LRRC49: variants seen among roughly 807,000 people sequenced by gnomAD.
LRRC49 encodes leucine rich repeat containing 49, also known as leucine-rich repeat-containing protein 49.
Under a neutral mutation model 83.3 loss-of-function variants are expected in LRRC49, and 50 were observed. The observed-to-expected ratio is 0.60, with a 90% CI of 0.48 to 0.76. The LOEUF (loss-of-function observed/expected upper bound fraction) is 0.76, where lower values mean the gene tolerates loss of function less well. LRRC49 is among the 30% of genes least tolerant of loss of function. The pLI is 0.00. For synonymous variants in LRRC49, 286 were observed against 283.3 expected (o/e 1.01, Z -0.10); for missense variants, 704 against 809.1 (o/e 0.87, Z 1.58).
At chr15:70,925,475 A>G (rs1432087447) in intron 7 of LRRC49, among the ~76,000 whole-genome samples, 1 of 152,156 alleles carries the variant, frequency 6.6e-6, no homozygotes, top group African/African-American at 2.4e-5. Flanking sequence ...AGATAGATTC[A>G]GAGAGATTTT....
intron 14 of LRRC49, among the ~76,000 whole-genome samples, chr15:71,026,719 G>A: frequency 6.6e-6 from 1 of 152,056 alleles, no homozygotes; most frequent in African/African-American, 2.4e-5. Flanking sequence ...TCATGTGTTT[G>A]TTGGCCACAT....
At chr15:70,880,873 C>G (rs1405005045) in intron 2 of LRRC49, among the ~76,000 whole-genome samples, 1 of 152,148 alleles carries the variant, frequency 6.6e-6, no homozygotes, top group Non-Finnish European at 1.5e-5. Context: ...TCAAAGGGTA[C>G]TTATTGATGG....
intron 1 of LRRC49, chr15:70,853,919 G>C: frequency 7.2e-7 from 1 of 1,392,102 alleles, no homozygotes; most frequent in Non-Finnish European, 9.4e-7. Context: ...CTCCTCGCTC[G>C]CGCTGCCCCA....
At chr15:70,901,478 G>A (rs1406432) in intron 4 of LRRC49, among the ~76,000 whole-genome samples, 149,726 of 152,124 alleles carry the variant, frequency 0.98, 73,725 homozygotes, top group East Asian at 1. Flanking sequence ...GGAATTTGGT[G>A]CTTACTATCC....
chr15:70,881,788 C>T (rs955476221), intron 2 of LRRC49: 1 of 152,102 alleles, frequency 6.6e-6, no homozygotes, highest in Non-Finnish European at 1.5e-5. Flanking sequence ...ATTAATGTGT[C>T]GCAGTAAGCA....
At chr15:70,946,439 A>C (rs1193538201) in intron 8 of LRRC49, among the ~76,000 whole-genome samples, 1 of 152,110 alleles carries the variant, frequency 6.6e-6, no homozygotes, top group Non-Finnish European at 1.5e-5. Context: ...GTTTGAGGCT[A>C]AATTGTATTC....
intron 14 of LRRC49, among the ~76,000 whole-genome samples, chr15:71,025,707 G>GAA (rs55848932): frequency 0.1 from 14,784 of 146,688 alleles, 1,139 homozygotes; most frequent in East Asian, 0.31. Flanking sequence ...CAAATAGAAA[G>GAA]AAAAAAAAAA....
chr15:70,879,598 G>C (rs2033220974), intron 2 of LRRC49, among the ~76,000 whole-genome samples: 1 of 152,150 alleles, frequency 6.6e-6, no homozygotes, highest in African/African-American at 2.4e-5. Context: ...TCACAACACA[G>C]GCATAGCTCA....
At chr15:70,853,773 G>A (rs1354589618) in intron 1 of LRRC49, 1 of 757,294 alleles carries the variant, frequency 1.3e-6, no homozygotes, top group African/African-American at 1.8e-5. Context: ...CCCCGGCGGC[G>A]GGGCTGACTC....
chr15:71,048,595 T>C (rs1421107887), intron 15 of LRRC49, among the ~76,000 whole-genome samples: 2 of 152,256 alleles, frequency 1.3e-5, no homozygotes, highest in African/African-American at 2.4e-5. Context: ...TTCTTCCATG[T>C]ATATTATACA....
At chr15:70,998,650 C>T (rs546609180) in intron 11 of LRRC49, among the ~76,000 whole-genome samples, 1 of 151,964 alleles carries the variant, frequency 6.6e-6, no homozygotes, top group Non-Finnish European at 1.5e-5. Flanking sequence ...TATAATGTGT[C>T]TTGGTGTGGA....
intron 1 of LRRC49, among the ~76,000 whole-genome samples, chr15:70,867,666 A>G (rs959602939): frequency 4.6e-5 from 7 of 152,194 alleles, no homozygotes; most frequent in African/African-American, 1.7e-4. Flanking sequence ...CACTCTTCTG[A>G]AGATGCCATG....
At chr15:71,042,087 A>G (rs932029412) in intron 15 of LRRC49, among the ~76,000 whole-genome samples, 1 of 152,212 alleles carries the variant, frequency 6.6e-6, no homozygotes, top group Non-Finnish European at 1.5e-5. Flanking sequence ...TGGGTTGGCT[A>G]TGATTTTTTA....
chr15:70,934,316 TA>T (rs1041918662), intron 7 of LRRC49, among the ~76,000 whole-genome samples: 3 of 152,188 alleles, frequency 2.0e-5, no homozygotes, highest in African/African-American at 4.8e-5. Flanking sequence ...ACAGAATTGC[TA>T]AAAAATTGGA....
chr15:70,972,742 A>G (rs991866397), intron 9 of LRRC49, among the ~76,000 whole-genome samples: 3 of 151,796 alleles, frequency 2.0e-5, no homozygotes, highest in African/African-American at 7.3e-5. Context: ...GTTGATCTTC[A>G]GTCTCTGATA....
intron 14 of LRRC49, among the ~76,000 whole-genome samples, chr15:71,017,959 TG>T (rs2038878323): frequency 6.6e-6 from 1 of 152,156 alleles, no homozygotes; most frequent in Non-Finnish European, 1.5e-5. Flanking sequence ...GCCAAATAAT[TG>T]GTAAAACTAA....
chr15:70,888,171 T>C (rs1191593104), upstream of LRRC49, among the ~76,000 whole-genome samples: 3 of 152,156 alleles, frequency 2.0e-5, no homozygotes, highest in Non-Finnish European at 4.4e-5. Context: ...CTTGTGAAAA[T>C]TGACAAATCA....
At chr15:71,005,401 C>T (rs2038422347) in intron 11 of LRRC49, among the ~76,000 whole-genome samples, 1 of 152,068 alleles carries the variant, frequency 6.6e-6, no homozygotes, top group African/African-American at 2.4e-5. Flanking sequence ...CCCCACCCAT[C>T]CAGATTGAGA....
At chr15:70,974,208 C>A (rs2037122406) in intron 9 of LRRC49, among the ~76,000 whole-genome samples, 1 of 152,172 alleles carries the variant, frequency 6.6e-6, no homozygotes, top group African/African-American at 2.4e-5. Context: ...CATTAGCTCA[C>A]TAAAAAACAA....
Sources: gnomAD v4.1 joint callset for allele counts (sites outside exome capture counted in the v4.1 genomes callset) on GRCh38, gnomAD v4.1.1 for gene constraint, MANE v1.5 for transcripts, NCBI Gene and HGNC (gene_info 2026-07-23, HGNC 2026-07-21) for gene names.